The following NEK5 variants were observed in gnomAD, a reference collection of about 807,000 sequenced individuals.
The protein encoded by NEK5 is serine/threonine-protein kinase Nek5.
A neutral mutation model predicts 109.2 loss-of-function variants in NEK5; 88 were observed. The observed-to-expected ratio is 0.81, with a 90% CI of 0.68 to 0.96. The LOEUF is 0.96. Among genes scored for constraint, NEK5 ranks in the 40% least tolerant of loss-of-function variants. NEK5 has a pLI of 0.00. For synonymous variants in NEK5, 283 were observed against 299.9 expected (o/e 0.94, Z 0.58); for missense variants, 834 against 920.7 (o/e 0.91, Z 1.22).
chr13:52,040,615 A>G (rs1454938203), intron 23 of NEK5, among the ~76,000 whole-genome samples: 1 of 152,114 alleles, frequency 6.6e-6, no homozygotes, highest in Non-Finnish European at 1.5e-5. Context: ...AGATAATTAT[A>G]TTATCTGAAA....
At chr13:52,106,194 T>G (rs1267263976) in intron 8 of NEK5, among the ~76,000 whole-genome samples, 1 of 149,350 alleles carries the variant, frequency 6.7e-6, no homozygotes, top group African/African-American at 2.5e-5. Context: ...AAAAAAAAAA[T>G]CCCTGTTATT....
In NEK5 at chr13:52,108,415, A is replaced by C; in HGVS notation, c.468-11T>G. On this transcript the variant is annotated splice_polypyrimidine_tract_variant and intron_variant, in intron 7 of 23. Coordinates refer to ENST00000684899, the MANE Select transcript of NEK5 (RefSeq NM_001365552.1). Reference sequence around the variant, plus strand: ...GCAAGTTCCATGGAACTAGTAAATTATATTAAATAATAAATCAGCATGATT... The same window carrying C: ...GCAAGTTCCATGGAACTAGTAAATTCTATTAAATAATAAATCAGCATGATT... 6.7e-7 allele frequency: 1 copy of C among 1,482,366 alleles called. No homozygotes were observed. Among genetic ancestry groups the C allele is most frequent in the Non-Finnish European group, 9.4e-7 (1 of 1,065,134 alleles). The allele number at this position is 1,482,366 out of a possible 1,614,324, so 91.8% of individuals were successfully genotyped here.
rs1566720906 is a variant in NEK5, at chr13:52,037,138, T to C, written c.2309A>G (p.Glu770Gly). 1.0e-6 allele frequency: 1 copy of C among 985,256 alleles called. No individual in the cohort carries two copies. Among genetic ancestry groups the C allele is most frequent in the African/African-American group, 1.7e-5 (1 of 57,242 alleles). 61.0% of individuals were successfully genotyped at this position (985,256 alleles called of 1,614,324 possible). The stretch of plus-strand genomic sequence containing the variant: ...GGTACTGGAGGCCTCTTCTGTTTTT[T>C]CTTCCCCTTTGAAAGTAGCGAGTTT... ...LEKLATFKGE[E>G]KTEEASSTSK... is the part of the protein sequence containing the mutation. Residue 770 changes from glutamate (E) to glycine (G), a missense_variant, in exon 24 of 24, where the codon GAA (glutamate) becomes GGA (glycine). This residue lies in a region of NEK5 where 57 missense variants were observed against 96.0 expected (regional missense o/e 0.59). Coordinates refer to ENST00000684899, the MANE Select transcript of NEK5 (RefSeq NM_001365552.1).
At chr13:52,065,690 A>G in intron 20 of NEK5, 81 bp from the exon 21 acceptor site, 2 of 989,988 alleles carry the variant, frequency 2.0e-6, no homozygotes, top group Admixed American at 3.9e-5. Flanking sequence ...AGGAACTCAG[A>G]GGCAGTTTAT....
intron 17 of NEK5, among the ~76,000 whole-genome samples, chr13:52,080,556 C>A (rs1366669786): frequency 1.3e-5 from 2 of 152,146 alleles, no homozygotes; most frequent in African/African-American, 2.4e-5. Flanking sequence ...AAGAAAAATT[C>A]TTCTGCCTTG....
chr13:52,057,020 G>A (rs1005783332), intron 22 of NEK5, among the ~76,000 whole-genome samples: 8 of 152,134 alleles, frequency 5.3e-5, no homozygotes, highest in South Asian at 4.2e-4. Flanking sequence ...CTGGTTTTTC[G>A]AAAGGATCAA....
intron 4 of NEK5, among the ~76,000 whole-genome samples, chr13:52,118,199 T>C (rs866505194): frequency 6.6e-6 from 1 of 152,242 alleles, no homozygotes; most frequent in African/African-American, 2.4e-5. Flanking sequence ...GACTGACTTT[T>C]ACCCAACTGA....
intron 20 of NEK5, among the ~76,000 whole-genome samples, chr13:52,070,094 G>C (rs1051637488): frequency 2.6e-5 from 4 of 152,194 alleles, no homozygotes; most frequent in African/African-American, 4.8e-5. Context: ...AAATGAGGCA[G>C]AGAGTATTCC....
intron 11 of NEK5, among the ~76,000 whole-genome samples, chr13:52,100,268 CTTTTT>C: frequency 6.7e-6 from 1 of 148,312 alleles, no homozygotes; most frequent in African/African-American, 2.5e-5. Context: ...GATCTTCTCT[CTTTTT>C]TTTTTGTTGA....
At chr13:52,127,685 G>A in intron 1 of NEK5, 23 bp from the exon 2 acceptor site, 1 of 520,116 alleles carries the variant, frequency 1.9e-6, no homozygotes, top group East Asian at 3.2e-5. Context: ...AGAGTTTCTT[G>A]GTCAGACACG....
chr13:52,101,759 C>T (rs1434281721), intron 11 of NEK5, among the ~76,000 whole-genome samples, 174 bp downstream of exon 11: 1 of 152,178 alleles, frequency 6.6e-6, no homozygotes, highest in African/African-American at 2.4e-5. Context: ...AGATATACAA[C>T]TTTCAGGCAC....
At chr13:52,106,349 G>T (rs910734107) in intron 8 of NEK5, among the ~76,000 whole-genome samples, 3 of 152,112 alleles carry the variant, frequency 2.0e-5, no homozygotes, top group Non-Finnish European at 4.4e-5. Context: ...CTTCCAAAGG[G>T]AACTCAATCT....
intron 3 of NEK5, among the ~76,000 whole-genome samples, chr13:52,120,519 C>G (rs1955946391): frequency 6.6e-6 from 1 of 150,526 alleles, no homozygotes. Flanking sequence ...AGAAAAATAG[C>G]AAAGTACAAG....
chr13:52,118,850 G>C (rs1224562539), intron 4 of NEK5, among the ~76,000 whole-genome samples: 1 of 152,104 alleles, frequency 6.6e-6, no homozygotes, highest in Non-Finnish European at 1.5e-5. Flanking sequence ...CATCCTAGCA[G>C]GGCTTTGAGA....
intron 12 of NEK5, among the ~76,000 whole-genome samples, chr13:52,096,808 T>C (rs773294904): frequency 4.6e-5 from 7 of 152,274 alleles, no homozygotes; most frequent in Middle Eastern, 3.4e-3. Flanking sequence ...AGGAGTCAAA[T>C]GTTGTTAGCC....
intron 23 of NEK5, among the ~76,000 whole-genome samples, chr13:52,046,432 T>TCGGG (rs1954459847): frequency 6.7e-6 from 1 of 149,330 alleles, no homozygotes; most frequent in Non-Finnish European, 1.5e-5. Flanking sequence ...TAAGCCATGA[T>TCGGG]CGGGCCACTG....
intron 3 of NEK5, among the ~76,000 whole-genome samples, chr13:52,122,387 T>C (rs1328273396): frequency 1.3e-5 from 2 of 152,172 alleles, no homozygotes; most frequent in African/African-American, 2.4e-5. Context: ...TTTAATATCA[T>C]TAAATGACAA....
intron 23 of NEK5, among the ~76,000 whole-genome samples, chr13:52,041,589 G>A (rs578133030): frequency 5.3e-5 from 8 of 151,788 alleles, no homozygotes; most frequent in East Asian, 3.9e-4. Context: ...TTAGCTGGGC[G>A]TGGTGGCACA....
chr13:52,046,664 G>A (rs1220433344), intron 23 of NEK5, among the ~76,000 whole-genome samples: 1 of 151,708 alleles, frequency 6.6e-6, no homozygotes, highest in Non-Finnish European at 1.5e-5. Context: ...CCAGGAGGTC[G>A]AGGCTGCAGT....
Sources: gnomAD v4.1 joint callset for allele counts (sites outside exome capture counted in the v4.1 genomes callset) on GRCh38, gnomAD v4.1.1 for gene constraint, gnomAD v4.1.1 regional missense constraint, MANE v1.5 for transcripts, NCBI Gene and HGNC (gene_info 2026-07-23, HGNC 2026-07-21) for gene names.